Variants in NEDD4 observed in about 807,000 individuals in gnomAD.
The protein encoded by NEDD4 is NEDD4 E3 ubiquitin protein ligase.
Under a neutral mutation model 144.9 loss-of-function variants are expected in NEDD4, and 99 were observed. That is an observed-to-expected ratio of 0.68 (90% CI 0.58 to 0.81). NEDD4 has a LOEUF of 0.81. Among genes scored for constraint, NEDD4 ranks in the 30% least tolerant of loss-of-function variants. The pLI is 0.00. For missense variants in NEDD4, 985 were observed against 1,065.9 expected (o/e 0.92, Z 1.06); for synonymous variants, 318 against 350.6 (o/e 0.91, Z 1.04).
intron 7 of NEDD4, among the ~76,000 whole-genome samples, chr15:55,870,642 T>C (rs140994280): frequency 1.3e-5 from 2 of 151,738 alleles, no homozygotes; most frequent in East Asian, 3.9e-4. Context: ...CAGGTGATCT[T>C]CACACCTTAG....
At chr15:55,953,598 C>T (rs1280905338) in intron 2 of NEDD4, among the ~76,000 whole-genome samples, 2 of 151,992 alleles carry the variant, frequency 1.3e-5, no homozygotes, top group Non-Finnish European at 2.9e-5. Flanking sequence ...CACGCCACCG[C>T]ACCCAGCTAA....
intron 2 of NEDD4, among the ~76,000 whole-genome samples, chr15:55,954,253 C>T (rs775788808): frequency 5.9e-5 from 9 of 152,126 alleles, no homozygotes; most frequent in Non-Finnish European, 1.3e-4. Flanking sequence ...TCTTCTAGTG[C>T]TCCTCATACC....
At chr15:55,865,546 T>C (rs1217090603) in intron 8 of NEDD4, among the ~76,000 whole-genome samples, 1 of 13,080 alleles carries the variant, frequency 7.6e-5, no homozygotes, top group East Asian at 1.2e-3. Context: ...AACTACTAAA[T>C]AACATTAAAA....
At chr15:55,974,464 AAAAAG>A in intron 1 of NEDD4, among the ~76,000 whole-genome samples, 1 of 152,194 alleles carries the variant, frequency 6.6e-6, no homozygotes, top group Non-Finnish European at 1.5e-5. Flanking sequence ...GATCCATTGA[AAAAAG>A]AAAACTACAG....
intron 5 of NEDD4, chr15:55,917,165 T>A: frequency 9.4e-7 from 1 of 1,059,696 alleles, no homozygotes; most frequent in East Asian, 6.8e-5. Flanking sequence ...CTTGTTTCAA[T>A]TATACCTTCT....
intron 11 of NEDD4, among the ~76,000 whole-genome samples, chr15:55,857,663 T>C (rs1175410375): frequency 2.0e-5 from 3 of 152,194 alleles, no homozygotes; most frequent in Non-Finnish European, 2.9e-5. Flanking sequence ...TCTCAATTTG[T>C]AACCATAACC....
intron 1 of NEDD4, among the ~76,000 whole-genome samples, chr15:55,972,614 T>A (rs2037630583): frequency 6.6e-6 from 1 of 151,624 alleles, no homozygotes. Flanking sequence ...AGAAAACAAA[T>A]TAAAAATGGC....
At chr15:55,942,335 T>G (rs1252183049) in intron 4 of NEDD4, among the ~76,000 whole-genome samples, 1 of 152,186 alleles carries the variant, frequency 6.6e-6, no homozygotes, top group Non-Finnish European at 1.5e-5. Context: ...GTATGGTATC[T>G]CATATGGTTT....
At chr15:55,900,219 G>A (rs976248910) in intron 5 of NEDD4, among the ~76,000 whole-genome samples, 2 of 152,178 alleles carry the variant, frequency 1.3e-5, no homozygotes, top group African/African-American at 4.8e-5. Context: ...GGTGACAACA[G>A]GTGCGCTGCA....
chr15:55,887,763 C>G (rs1273931491), intron 5 of NEDD4, among the ~76,000 whole-genome samples: 7 of 152,088 alleles, frequency 4.6e-5, no homozygotes, highest in Admixed American at 1.3e-4. Context: ...ATTCAACAAC[C>G]TATTAAAAAG....
rs935680441 is a variant in NEDD4 at position 55,833,095 on chromosome 15, T to C, written c.2440A>G (p.Met814Val). 5.0e-6 allele frequency: 8 copies of C among 1,609,208 alleles called. No individual in the cohort carries two copies. In the African/African-American group the frequency reaches 5.3e-5, roughly 11 times the overall value. The change falls in exon 27 of 29, where the codon ATG becomes GTG. Residue 814 changes from methionine (M) to valine (V), a missense_variant. Transcript: ENST00000435532. ...VIQWFWKAVL[M>V]MDSEKRIRLL... ...CTTATTCTTTTTTCTGAATCCATCA[T>C]TAAAACAGCCTGAATAAGATAAAAA...
At chr15:55,840,848 A>G in intron 19 of NEDD4, 121 bp from the exon 20 acceptor site, 1 of 967,508 alleles carries the variant, frequency 1.0e-6, no homozygotes, top group Non-Finnish European at 1.5e-6. Context: ...CCTCCACTGG[A>G]TTTAATGGTT....
intron 8 of NEDD4, among the ~76,000 whole-genome samples, chr15:55,864,240 T>G (rs1305609872): frequency 6.6e-6 from 1 of 152,104 alleles, no homozygotes; most frequent in African/African-American, 2.4e-5. Context: ...AACTTTAAAA[T>G]GCTCCCAAAA....
intron 14 of NEDD4, among the ~76,000 whole-genome samples, chr15:55,849,771 TCTG>T (rs1256665310): frequency 6.6e-6 from 1 of 151,004 alleles, no homozygotes; most frequent in African/African-American, 2.4e-5. Context: ...AATATATTCA[TCTG>T]CTGCTAATTT....
At chr15:55,891,367 A>AT (rs2035566757) in intron 5 of NEDD4, among the ~76,000 whole-genome samples, 1 of 152,222 alleles carries the variant, frequency 6.6e-6, no homozygotes, top group South Asian at 2.1e-4. Context: ...GTTGCTATAA[A>AT]TACAGGACAA....
At chr15:55,957,561 T>G (rs1194529865) in intron 2 of NEDD4, among the ~76,000 whole-genome samples, 1 of 152,208 alleles carries the variant, frequency 6.6e-6, no homozygotes, top group African/African-American at 2.4e-5. Flanking sequence ...CTTCTCAGTG[T>G]GGCGATTCCT....
intron 2 of NEDD4, among the ~76,000 whole-genome samples, chr15:55,963,901 C>T (rs67620259): frequency 0.13 from 20,440 of 152,050 alleles, 1,490 homozygotes; most frequent in East Asian, 0.32. Context: ...GAATATAAAA[C>T]TATGGATTGA....
chr15:55,959,382 T>G (rs1179151859), intron 2 of NEDD4, among the ~76,000 whole-genome samples: 1 of 152,232 alleles, frequency 6.6e-6, no homozygotes, highest in Non-Finnish European at 1.5e-5. Flanking sequence ...GATTTCAATC[T>G]TTTGAAAACC....
At chr15:55,936,942 G>A (rs1055265900) in intron 4 of NEDD4, among the ~76,000 whole-genome samples, 4 of 152,094 alleles carry the variant, frequency 2.6e-5, no homozygotes, top group South Asian at 2.1e-4. Flanking sequence ...ACAGGCATGC[G>A]CCATGATGCC....
Sources: allele counts gnomAD v4.1 joint callset (sites outside exome capture counted in the v4.1 genomes callset), GRCh38; gene constraint gnomAD v4.1.1; transcripts MANE v1.5; gene names NCBI Gene and HGNC (gene_info 2026-07-23, HGNC 2026-07-21).